The following NADSYN1 variants were observed in gnomAD, a reference collection of about 807,000 sequenced individuals.
The protein encoded by NADSYN1 is NAD synthetase 1.
Under a neutral mutation model 99.3 loss-of-function variants are expected in NADSYN1, and 80 were observed. The ratio of observed to expected loss-of-function variants is 0.81; its 90% CI spans 0.67 to 0.97. The LOEUF (loss-of-function observed/expected upper bound fraction) is 0.97, where lower values mean the gene tolerates loss of function less well. Among genes scored for constraint, NADSYN1 ranks in the 50% least tolerant of loss-of-function variants. The probability of loss-of-function intolerance (pLI) is 0.00; values close to 1 mark genes in which losing one functional copy is unlikely to be tolerated. For missense variants in NADSYN1, 859 were observed against 948.5 expected (o/e 0.91, Z 1.24); for synonymous variants, 385 against 372.1 (o/e 1.03, Z -0.40).
At chr11:71,478,296 C>A in intron 9 of NADSYN1, 99 bp from the exon 10 acceptor site, 1 of 997,634 alleles carries the variant, frequency 1.0e-6, no homozygotes, top group Non-Finnish European at 1.5e-6. Context: ...TCAGCCCCTG[C>A]TTTAGAAGGT....
chr11:71,498,263 C>T (rs1196218341), intron 19 of NADSYN1, 89 bp from the exon 20 acceptor site: 5 of 1,452,244 alleles, frequency 3.4e-6, no homozygotes, highest in Non-Finnish European at 4.7e-6. Flanking sequence ...ACCCATTAGT[C>T]ATTTGCTTGT....
rs752836289 is a variant in NADSYN1, at chr11:71,498,508, T to C, written c.2050T>C (p.Phe684Leu). ...FLYNTSWPWQ[F>L]RCIENQVLQL... ...GTACAACACAAGCTGGCCTTGGCAGTTTCGGTGCATAGAAAATCAGGTAAA... is the reference window on the plus strand; with the variant it reads ...GTACAACACAAGCTGGCCTTGGCAGCTTCGGTGCATAGAAAATCAGGTAAA... Residue 684 changes from phenylalanine (F) to leucine (L), a missense_variant, in exon 20 of 21, where the codon TTT (phenylalanine) becomes CTT (leucine). By Grantham distance (22) the Phe-to-Leu change is conservative. Transcript: ENST00000319023. The C allele has an allele frequency of 2.5e-6, 4 of 1,613,996 alleles. No homozygotes were observed. Among genetic ancestry groups the C allele is most frequent in the Middle Eastern group, 1.6e-4 (1 of 6,062 alleles).
chr11:71,460,750 A>C (rs1949545332), intron 3 of NADSYN1: 1 of 152,344 alleles, frequency 6.6e-6, no homozygotes. Flanking sequence ...GCTCCATTGA[A>C]CAAAACAAGA....
At position 71,498,529 on chromosome 11, in the gene NADSYN1, G is replaced by A. The variant is rs1555152822; in HGVS notation, c.2070+1G>A. On this transcript the variant is annotated splice_donor_variant, in intron 20 of 20. Transcript: ENST00000319023. LOFTEE classifies it high-confidence loss of function. ...GCAGTTTCGGTGCATAGAAAATCAG[G>A]TAAATCCAGCAGAAATGTTTCTCTC... 6.2e-7 allele frequency: 1 copy of A among 1,613,344 alleles called. No individual in the cohort carries two copies. Among genetic ancestry groups the A allele is most frequent in the Admixed American group, 1.7e-5 (1 of 59,988 alleles).
chr11:71,458,740 C>A (rs113109111), intron 3 of NADSYN1, 196 bp downstream of exon 3: 2 of 549,430 alleles, frequency 3.6e-6, no homozygotes, highest in Non-Finnish European at 6.6e-6. Flanking sequence ...AAGGAGGGAG[C>A]TCCTGAAAGC....
intron 3 of NADSYN1, chr11:71,459,175 C>T (rs575297739): frequency 1.0e-3 from 165 of 163,652 alleles, no homozygotes; most frequent in Non-Finnish European, 1.7e-3. Flanking sequence ...CATAGCCAGT[C>T]CCTGTGGAGG....
chr11:71,486,881 C>G (rs1949746803), intron 16 of NADSYN1, among the ~76,000 whole-genome samples: 1 of 138,574 alleles, frequency 7.2e-6, no homozygotes. Context: ...TCTCGGCTCA[C>G]TGCAAGTTCC....
At position 71,487,786 on chromosome 11, in the gene NADSYN1, G is replaced by A. The variant is rs189287221; in HGVS notation, c.1562+2138G>A. On this transcript the variant is annotated intron_variant, in intron 16 of 20. Coordinates refer to ENST00000319023, the MANE Select transcript of NADSYN1 (RefSeq NM_018161.5). ...GCGGAGCTGGCAGTGAGCCGAGTTC[G>A]CGCCACTGCACTCCAGCCTGGGCGA... Among the ~76,000 whole-genome samples, 829 of 135,498 alleles carry A rather than the reference G, an allele frequency of 6.1e-3. 2 individuals carry two copies. The highest frequency in any genetic ancestry group is 0.021 in the African/African-American group (784 of 37,976). 88.9% of individuals were successfully genotyped at this position (135,498 alleles called of 152,430 possible).
chr11:71,499,953 C>G (rs1371874081), intron 20 of NADSYN1: 1 of 152,196 alleles, frequency 6.6e-6, no homozygotes. Context: ...GGAGAATCAC[C>G]TGAGCCAAGG....
intron 18 of NADSYN1, among the ~76,000 whole-genome samples, chr11:71,492,920 T>C (rs1258396819): frequency 6.6e-6 from 1 of 151,156 alleles, no homozygotes; most frequent in African/African-American, 2.4e-5. Context: ...AATGTCTCAC[T>C]CTGTTGCCCA....
rs113829827 is a variant in NADSYN1 at position 71,485,637 on chromosome 11, C to T, written c.1551C>T (p.Asn517=). 1.2e-4 allele frequency: 183 copies of T among 1,553,914 alleles called. 1 individual carries two copies. In the African/African-American group the frequency reaches 2.0e-3, roughly 17 times the overall value. ...GGCTCCTCGTGCTGGGATCCGCCAACGTGGATGAGAGGTGAGTGTGGCCCA... is the reference window on the plus strand; with the variant it reads ...GGCTCCTCGTGCTGGGATCCGCCAATGTGGATGAGAGGTGAGTGTGGCCCA... ...HGGLLVLGSA[N]VDESLLGYLT... The change falls in exon 16 of 21, where the codon AAC becomes AAT. Residue 517 remains asparagine, a synonymous_variant. Coordinates refer to ENST00000319023, the MANE Select transcript of NADSYN1 (RefSeq NM_018161.5).
Position 71,481,530 on chromosome 11 carries a change from T to G in NADSYN1, c.1047+126T>G. On this transcript the variant is annotated intron_variant, in intron 12 of 20. Transcript: ENST00000319023. ...CAAACAACAAAAAGCATTTCATCAC[T>G]CTGCCTCCATGGGGAGCTTAGTCTG... 12 of 953,600 alleles carry G rather than the reference T, an allele frequency of 1.3e-5. No individual in the cohort carries two copies. The South Asian group carries it at 1.6e-4, about 13-fold the overall frequency. 59.1% of individuals were successfully genotyped at this position (953,600 alleles called of 1,614,324 possible).
At chr11:71,484,533 C>A in intron 15 of NADSYN1, 86 bp downstream of exon 15, 1 of 1,483,896 alleles carries the variant, frequency 6.7e-7, no homozygotes, top group Non-Finnish European at 9.0e-7. Context: ...GGTGCCCCCA[C>A]CTGGGCCATC....
chr11:71,485,048 G>A (rs945575752), intron 15 of NADSYN1: 1 of 170,182 alleles, frequency 5.9e-6, no homozygotes, highest in African/African-American at 2.4e-5. Context: ...TAATCCTCAG[G>A]GAACAGCCCA....
chr11:71,485,608 G>A lies in NADSYN1; in HGVS notation c.1522G>A (p.Gly508Ser), dbSNP rs754985055. 1.7e-5 allele frequency: 27 copies of A among 1,561,190 alleles called. No homozygotes were observed. The highest frequency in any genetic ancestry group is 4.1e-5 in the African/African-American group (3 of 73,898). ...GAGCCTCTGGTCTCGGGGTGTCCAC[G>A]GTGGGCTCCTCGTGCTGGGATCCGC... is the stretch of plus-strand genomic sequence containing the variant. The part of the protein sequence containing the change: ...QLSLWSRGVH[G>S]GLLVLGSANV... The change falls in exon 16 of 21, where the codon GGT becomes AGT. Residue 508 changes from glycine (G) to serine (S), a missense_variant. Physicochemically the swap from Gly to Ser is moderately conservative, Grantham distance 56. Transcript: ENST00000319023.
chr11:71,498,240 T>C, intron 19 of NADSYN1, 112 bp from the exon 20 acceptor site: 1 of 1,238,960 alleles, frequency 8.1e-7, no homozygotes. Flanking sequence ...TGGAAGGTCC[T>C]GTGCGGGGAG....
chr11:71,478,528 C>T (rs1380577825), intron 10 of NADSYN1, 59 bp downstream of exon 10: 1 of 1,464,090 alleles, frequency 6.8e-7, no homozygotes, highest in East Asian at 2.4e-5. Flanking sequence ...AAAGTGGCCC[C>T]ATTCGTGCGG....
At chr11:71,472,574 C>T (rs371010623) in intron 6 of NADSYN1, 74 bp downstream of exon 6, 21 of 1,390,096 alleles carry the variant, frequency 1.5e-5, no homozygotes, top group South Asian at 6.9e-5. Context: ...CCAGGTGGGG[C>T]GGGAACGCTT....
chr11:71,473,447 GGGCCGT>G (rs967452778), intron 7 of NADSYN1, 81 bp downstream of exon 7: 133 of 1,539,976 alleles, frequency 8.6e-5, no homozygotes, highest in East Asian at 2.7e-4. Context: ...AGACGTCCTG[GGGCCGT>G]GGCCGTGGCC....
Sources: allele counts gnomAD v4.1 joint callset (sites outside exome capture counted in the v4.1 genomes callset), GRCh38; gene constraint gnomAD v4.1.1; transcripts MANE v1.5; gene names NCBI Gene and HGNC (gene_info 2026-07-23, HGNC 2026-07-21).